Variants in LSM11 observed in about 807,000 individuals in gnomAD.
The protein encoded by LSM11 is U7 snRNA-associated Sm-like protein LSm11.
A neutral mutation model predicts 28.1 loss-of-function variants in LSM11; 14 were observed. That is an observed-to-expected ratio of 0.50 (90% confidence interval 0.33 to 0.78). The LOEUF (loss-of-function observed/expected upper bound fraction) is 0.78. LSM11 is among the 30% of genes least tolerant of loss of function. The pLI is 0.02. For synonymous variants in LSM11, 207 were observed against 214.2 expected, an observed-to-expected ratio of 0.97 and a Z score of 0.30; for missense variants, 495 against 510.6, an observed-to-expected ratio of 0.97 and a Z score of 0.30.
intron 1 of LSM11, 30 bp from the exon 2 acceptor site, chr5:157,751,360 A>C (rs1244927811): frequency 6.5e-7 from 1 of 1,549,754 alleles, no homozygotes. Context: ...AGATATTAAA[A>C]CTGTCCTGAC....
chr5:157,751,252 G>T, intron 1 of LSM11, 138 bp from the exon 2 acceptor site: 1 of 898,112 alleles, frequency 1.1e-6, no homozygotes, highest in Non-Finnish European at 1.6e-6. Context: ...GTTGCCCATT[G>T]GACCTTCCTG....
At chr5:157,754,468 T>A (rs1013764500) in intron 3 of LSM11, among the ~76,000 whole-genome samples, 2 of 151,284 alleles carry the variant, frequency 1.3e-5, no homozygotes, top group Admixed American at 6.6e-5. Flanking sequence ...CCGAGGCGGG[T>A]GAATCATGAG....
chr5:157,746,401 C>T (rs1396498719), intron 1 of LSM11, among the ~76,000 whole-genome samples: 3 of 152,226 alleles, frequency 2.0e-5, no homozygotes, highest in South Asian at 2.1e-4. Flanking sequence ...TACATTTTGT[C>T]GCTGACTTTA....
rs745687060 is a variant in LSM11 at position 157,755,104 on chromosome 5, G to T, written c.923G>T (p.Ser308Ile). 1.5e-5 allele frequency: 25 copies of T among 1,614,242 alleles called. No individual in the cohort carries two copies. Among genetic ancestry groups the T allele is most frequent in the Non-Finnish European group, 2.0e-5 (24 of 1,180,044 alleles). ...SGRTTRTDGS[S>I]VGGTFSRATT... ...AGGACTACACGGACAGACGGCTCCAGTGTGGGAGGTACCTTTTCCAGGGCT... is the reference window on the plus strand; with the variant it reads ...AGGACTACACGGACAGACGGCTCCATTGTGGGAGGTACCTTTTCCAGGGCT... Residue 308 changes from serine (S) to isoleucine (I), a missense_variant, in exon 4 of 4, where the codon AGT becomes ATT. Physicochemically the swap from Ser to Ile is moderately radical, Grantham distance 142. Coordinates refer to ENST00000286307, the MANE Select transcript of LSM11 (RefSeq NM_173491.4).
rs945109598 is a variant in LSM11, at chr5:157,758,402, G to A, written c.*3138G>A. 7 of 152,120 alleles carry A rather than the reference G, an allele frequency of 4.6e-5. No individual in the cohort carries two copies. The highest frequency in any genetic ancestry group is 8.8e-5 in the Non-Finnish European group (6 of 68,036). The allele number at this position is 152,120 out of a possible 1,614,324, so 9.4% of individuals were successfully genotyped here. A position where few individuals can be genotyped will look rare whatever the true frequency, so the allele number is the denominator to read the frequency against. Reference sequence around the variant, plus strand: ...ATTACAGGCGTGAGCTATCCCGCCCGGTCCCCTTTTCTTTATTATCGAAGA... The same window carrying A: ...ATTACAGGCGTGAGCTATCCCGCCCAGTCCCCTTTTCTTTATTATCGAAGA... On this transcript the variant is annotated 3_prime_UTR_variant, in exon 4 of 4. Coordinates refer to ENST00000286307, the MANE Select transcript of LSM11 (RefSeq NM_173491.4).
In LSM11 at chr5:157,754,053, C is replaced by G. The variant is rs373103719; in HGVS notation, c.638C>G (p.Ala213Gly). 1 of 1,574,324 alleles carries G rather than the reference C, an allele frequency of 6.4e-7. No homozygotes were observed. The highest frequency in any genetic ancestry group is 1.4e-5 in the African/African-American group (1 of 73,038). Residue 213 changes from alanine (A) to glycine (G), a missense_variant, in exon 3 of 4, where the codon GCA (alanine) becomes GGA (glycine). Coordinates refer to ENST00000286307, the MANE Select transcript of LSM11 (RefSeq NM_173491.4). ...ETYRKPVLGKAYERDSSLTLT... is the reference protein window; with the variant it reads ...ETYRKPVLGKGYERDSSLTLT... ...TACCGAAAACCTGTCCTAGGCAAAG[C>G]ATATGAACGGGATTCTTCACTGACT...
intron 1 of LSM11, among the ~76,000 whole-genome samples, chr5:157,746,120 G>A (rs577345348): frequency 4.0e-5 from 6 of 151,318 alleles, no homozygotes; most frequent in African/African-American, 1.4e-4. Flanking sequence ...TTATATGTAT[G>A]CCACAGTTTT....
chr5:157,756,498 G>A lies in LSM11; in HGVS notation c.*1234G>A, dbSNP rs1761330532. ...TTTATCTGAGATAACTTATGTTCAA[G>A]GTGAGAATAAGAAATAGCCAACTAG... On this transcript the variant is annotated 3_prime_UTR_variant, in exon 4 of 4. Coordinates refer to ENST00000286307, the MANE Select transcript of LSM11 (RefSeq NM_173491.4). 1 of 152,500 alleles carries A rather than the reference G, an allele frequency of 6.6e-6. No homozygotes were observed. Among genetic ancestry groups the A allele is most frequent in the African/African-American group, 2.4e-5 (1 of 41,430 alleles). The allele number at this position is 152,500 out of a possible 1,614,324, so 9.4% of individuals were successfully genotyped here.
intron 1 of LSM11, 55 bp downstream of exon 1, chr5:157,744,253 C>G: frequency 8.3e-7 from 1 of 1,208,908 alleles, no homozygotes; most frequent in South Asian, 3.2e-5. Flanking sequence ...AAGCTGGCTG[C>G]CGAGGGGGCG....
chr5:157,749,582 A>G (rs566488868), intron 1 of LSM11, among the ~76,000 whole-genome samples: 3,005 of 121,990 alleles, frequency 0.025, 51 homozygotes, highest in Non-Finnish European at 0.04. Flanking sequence ...ACGCGCGCGC[A>G]CGCGCGCACA....
chr5:157,755,295 A>G lies in LSM11; in HGVS notation c.*31A>G. 6.3e-7 allele frequency: 1 copy of G among 1,595,620 alleles called. No homozygotes were observed. The highest frequency in any genetic ancestry group is 8.5e-7 in the Non-Finnish European group (1 of 1,170,124). On this transcript the variant is annotated 3_prime_UTR_variant, in exon 4 of 4. Coordinates refer to ENST00000286307, the MANE Select transcript of LSM11 (RefSeq NM_173491.4). ...TCAGCCTGAGCTTTGGTTTTTAGAA[A>G]TAAAGTGCATGAATTGCTGCTATGC...
At chr5:157,754,133 A>AG (rs762120688) in intron 3 of LSM11, 46 bp downstream of exon 3, 2 of 1,333,244 alleles carry the variant, frequency 1.5e-6, no homozygotes, top group Non-Finnish European at 2.0e-6. Flanking sequence ...CATGCTTTCC[A>AG]GCTTAGGAAT....
Position 157,744,163 on chromosome 5 carries a change from G to A in LSM11, c.413G>A (p.Arg138Lys). 2 of 1,401,440 alleles carry A rather than the reference G, an allele frequency of 1.4e-6. No homozygotes were observed. The highest frequency in any genetic ancestry group is 1.9e-6 in the Non-Finnish European group (2 of 1,078,520). The allele number at this position is 1,401,440 out of a possible 1,614,324, so 86.8% of individuals were successfully genotyped here. A position where few individuals can be genotyped will look rare whatever the true frequency, so the allele number is the denominator to read the frequency against. Residue 138 changes from arginine (R) to lysine (K), a missense_variant, in exon 1 of 4, where the codon AGG becomes AAG. By Grantham distance (26) the Arg-to-Lys change is conservative (BLOSUM62 2). Transcript: ENST00000286307. ...GGCCGGAGGGGTCCGGGTCGGAGCA[G>A]GAAGGCGCCACGCAACGTGCTCACG... ...GAGRRGPGRS[R>K]KAPRNVLTRM...
rs2279771 is a variant in LSM11 at position 157,743,978 on chromosome 5, G to A, written c.228G>A (p.Arg76=). The change falls in exon 1 of 4, where the codon CGG becomes CGA. Residue 76 remains arginine (R), a synonymous_variant. Coordinates refer to ENST00000286307, the MANE Select transcript of LSM11 (RefSeq NM_173491.4). ...GGGGCGGCGGGCGCGGGCGCGGGCG[G>A]GCTCGGGGCGCGGCCGCGGGCTCTG... ...GVRGGGRGRG[R]ARGAAAGSGV... 252,551 of 1,268,844 alleles carry A rather than the reference G, an allele frequency of 0.2. 25,836 individuals carry two copies. Among genetic ancestry groups the A allele is most frequent in the South Asian group, 0.29 (10,271 of 35,774 alleles). 78.6% of individuals were successfully genotyped at this position (1,268,844 alleles called of 1,614,324 possible).
At chr5:157,753,404 A>G (rs1457242861) in intron 2 of LSM11, among the ~76,000 whole-genome samples, 2 of 152,000 alleles carry the variant, frequency 1.3e-5, no homozygotes, top group African/African-American at 4.8e-5. Flanking sequence ...GGTGATTTAC[A>G]CTTTTCAAAG....
rs1761344294 is a variant in LSM11, at chr5:157,757,388, G to C, written c.*2124G>C. The C allele has an allele frequency of 6.6e-6, 1 of 152,056 alleles. No homozygotes were observed. Among genetic ancestry groups the C allele is most frequent in the Non-Finnish European group, 1.5e-5 (1 of 68,008 alleles). The allele number at this position is 152,056 out of a possible 1,614,324, so 9.4% of individuals were successfully genotyped here. ...CCTCACCCTTTTCTGATCATTATCA[G>C]AAAGAATCCCCTGAACTTTTCAAGG... On this transcript the variant is annotated 3_prime_UTR_variant, in exon 4 of 4. Transcript: ENST00000286307.
At chr5:157,754,324 G>A (rs1761286149) in intron 3 of LSM11, among the ~76,000 whole-genome samples, 1 of 152,142 alleles carries the variant, frequency 6.6e-6, no homozygotes, top group Admixed American at 6.5e-5. Flanking sequence ...TACAACACCT[G>A]AAAGTCTTTC....
At chr5:157,752,085 C>T (rs1307210884) in intron 2 of LSM11, among the ~76,000 whole-genome samples, 1 of 152,036 alleles carries the variant, frequency 6.6e-6, no homozygotes, top group Non-Finnish European at 1.5e-5. Context: ...AAGGAACTTG[C>T]ACTTTACAGT....
At chr5:157,749,600 ACACACACC>A (rs1395998592) in intron 1 of LSM11, among the ~76,000 whole-genome samples, 1 of 139,856 alleles carries the variant, frequency 7.2e-6, no homozygotes. Flanking sequence ...ACACACACAC[ACACACACC>A]CACACACCCA....
Sources: gnomAD v4.1 joint callset for allele counts (sites outside exome capture counted in the v4.1 genomes callset) on GRCh38, gnomAD v4.1.1 for gene constraint, MANE v1.5 for transcripts, NCBI Gene and HGNC (gene_info 2026-07-23, HGNC 2026-07-21) for gene names.